The following RNF213 variants were observed in gnomAD, a reference collection of about 807,000 sequenced individuals.
The protein encoded by RNF213 is ring finger protein 213, also known as E3 ubiquitin-protein ligase RNF213.
A neutral mutation model predicts 514.4 loss-of-function variants in RNF213; 341 were observed. The ratio of observed to expected loss-of-function variants is 0.66; its 90% CI spans 0.61 to 0.73. The LOEUF is 0.73. RNF213 is among the 30% of genes least tolerant of loss of function. The pLI is 0.00. For missense variants in RNF213, 5,767 were observed against 6,615.6 expected, an observed-to-expected ratio of 0.87 and a Z score of 4.45; for synonymous variants, 2,655 against 2,658.2, an observed-to-expected ratio of 1.00 and a Z score of 0.04.
Position 80,376,822 on chromosome 17 carries a change from A to C in RNF213, c.13429-60A>C. The C allele has an allele frequency of 3.5e-6, 5 of 1,438,830 alleles. No homozygotes were observed. The South Asian group carries it at 5.9e-5, about 17-fold the overall frequency. The allele number at this position is 1,438,830 out of a possible 1,614,324, so 89.1% of individuals were successfully genotyped here. Reference sequence around the variant, plus strand: ...TCTTCCTCTAGGCCTCCTGCTGAGCAGCAGCACCCAGGTGACAAGCTCACT... The same window carrying C: ...TCTTCCTCTAGGCCTCCTGCTGAGCCGCAGCACCCAGGTGACAAGCTCACT... On this transcript the variant is annotated intron_variant, in intron 52 of 67. Transcript: ENST00000582970.
intron 38 of RNF213, chr17:80,360,492 G>T: frequency 2.2e-6 from 1 of 445,964 alleles, no homozygotes; most frequent in Non-Finnish European, 4.2e-6. Context: ...ATGGCGAAAT[G>T]GGGTGTGTTC....
chr17:80,325,242 G>A, intron 18 of RNF213, 44 bp downstream of exon 18: 1 of 1,487,872 alleles, frequency 6.7e-7, no homozygotes, highest in Non-Finnish European at 9.0e-7. Context: ...AGGCAAGGTG[G>A]TGTCTTCCTG....
At chr17:80,319,537 T>C (rs2046067834) in intron 17 of RNF213, 3 of 1,612,510 alleles carry the variant, frequency 1.9e-6, no homozygotes, top group Non-Finnish European at 2.5e-6. Context: ...CCATCCTGCA[T>C]GTGTTCCATA....
Position 80,386,850 on chromosome 17 carries a change from G to A in RNF213, c.14881G>A (p.Val4961Ile), listed in dbSNP as rs370237798. The A allele has an allele frequency of 1.3e-4, 215 of 1,613,760 alleles. No individual in the cohort carries two copies. Among genetic ancestry groups the A allele is most frequent in the Non-Finnish European group, 1.7e-4 (200 of 1,180,014 alleles). ...TCTGGAGAAGATTCAGCGGCAGATC[G>A]TCAGCCGCTTCCTCCAGGGCAAGCC... ...FDLEKIQRQI[V>I]SRFLQGKPRL... The change falls in exon 63 of 68, where the codon GTC (valine) becomes ATC (isoleucine). Residue 4961 changes from valine to isoleucine, a missense_variant. Physicochemically the swap from Val to Ile is conservative, Grantham distance 29. Around this residue, in one of 13 missense-constraint regions of RNF213, gnomAD observed 1,245 missense variants for 1,339.0 expected, o/e 0.93. Coordinates refer to ENST00000582970, the MANE Select transcript of RNF213 (RefSeq NM_001256071.3).
At chr17:80,344,317 G>A (rs1373375223) in intron 28 of RNF213, among the ~76,000 whole-genome samples, 2 of 152,206 alleles carry the variant, frequency 1.3e-5, no homozygotes, top group East Asian at 3.8e-4. Flanking sequence ...TCTGTTGAAA[G>A]ACCTCACCTT....
At chr17:80,352,008 C>T in intron 32 of RNF213, 1 of 432,184 alleles carries the variant, frequency 2.3e-6, no homozygotes, top group Non-Finnish European at 4.3e-6. Flanking sequence ...GCGTGCGCCA[C>T]CATGCCCAGC....
intron 2 of RNF213, among the ~76,000 whole-genome samples, chr17:80,266,527 A>C (rs1368742008): frequency 3.3e-5 from 5 of 151,902 alleles, no homozygotes; most frequent in Non-Finnish European, 5.9e-5. Context: ...TTTGAGACAG[A>C]GTCTTGCTCT....
Position 80,263,577 on chromosome 17 carries a change from A to G in RNF213, c.-105A>G. 1 of 958,452 alleles carries G rather than the reference A, an allele frequency of 1.0e-6. No homozygotes were observed. The highest frequency in any genetic ancestry group is 1.3e-5 in the South Asian group (1 of 77,222). 59.4% of individuals were successfully genotyped at this position (958,452 alleles called of 1,614,324 possible). ...TGCTGTGATTTCACTTTCGCAGAAA[A>G]TGAAACTGAAGCCGTGGTCACGTGA... On this transcript the variant is annotated 5_prime_UTR_variant, in exon 2 of 68. It removes an upstream start codon present in the reference 5' UTR. Coordinates refer to ENST00000582970, the MANE Select transcript of RNF213 (RefSeq NM_001256071.3). This position sits in a 1 kb window ranked among gnomAD's most constrained non-coding sequence, Gnocchi z 4.9.
Position 80,372,609 on chromosome 17 carries a change from C to T in RNF213, c.12626C>T (p.Ser4209Phe), listed in dbSNP as rs1330283969. 2 of 1,614,046 alleles carry T rather than the reference C, an allele frequency of 1.2e-6. No individual in the cohort carries two copies. Among genetic ancestry groups the T allele is most frequent in the East Asian group, 2.2e-5 (1 of 44,866 alleles). Residue 4209 changes from serine to phenylalanine, a missense_variant, in exon 48 of 68, where the codon TCT becomes TTT. Physicochemically the swap from Ser to Phe is radical, Grantham distance 155 (BLOSUM62 -2). Around this residue, in one of 13 missense-constraint regions of RNF213, gnomAD observed 1,245 missense variants for 1,339.0 expected, o/e 0.93. Transcript: ENST00000582970. ...GAAGGTCGTTTCCTTAAGGCATATT[C>T]TCCAGCAAGCCGGGGCCGAGAGCCT... ...EEEGRFLKAYSPASRGREPAN... is the reference protein window; with the variant it reads ...EEEGRFLKAYFPASRGREPAN...
intron 19 of RNF213, 132 bp from the exon 20 acceptor site, chr17:80,328,196 A>T: frequency 8.4e-7 from 1 of 1,195,230 alleles, no homozygotes; most frequent in Non-Finnish European, 1.1e-6. Context: ...CATCTCGAAA[A>T]AGTGGGTATG....
At chr17:80,362,685 G>A (rs935937943) in intron 39 of RNF213, among the ~76,000 whole-genome samples, 2 of 152,248 alleles carry the variant, frequency 1.3e-5, no homozygotes, top group African/African-American at 4.8e-5. Context: ...TGCTGACTCT[G>A]TCCTGAGGAA....
In RNF213 at chr17:80,294,765, G is replaced by A; in HGVS notation, c.1517G>A (p.Arg506Lys). The change falls in exon 9 of 68, where the codon AGA becomes AAA. Residue 506 changes from arginine (R) to lysine (K), a missense_variant. Arg to Lys is a conservative substitution (Grantham distance 26, BLOSUM62 2). Around this residue, in one of 13 missense-constraint regions of RNF213, gnomAD observed 592 missense variants for 673.9 expected, o/e 0.88. Coordinates refer to ENST00000582970, the MANE Select transcript of RNF213 (RefSeq NM_001256071.3). The part of the protein sequence containing the change: ...YDIVYMKPHG[R>K]LQKVMNHITD... Reference sequence around the variant, plus strand: ...ATAGTTTATATGAAGCCTCATGGGAGACTCCAGAAAGTCATGAACCACATC... The same window carrying A: ...ATAGTTTATATGAAGCCTCATGGGAAACTCCAGAAAGTCATGAACCACATC... The A allele has an allele frequency of 6.2e-7, 1 of 1,614,136 alleles. No individual in the cohort carries two copies. Among genetic ancestry groups the A allele is most frequent in the Non-Finnish European group, 8.5e-7 (1 of 1,180,036 alleles).
chr17:80,375,121 T>A (rs1158784828), intron 50 of RNF213: 3 of 175,064 alleles, frequency 1.7e-5, no homozygotes, highest in Non-Finnish European at 3.7e-5. Context: ...TGGAAAATCC[T>A]CTTTCTGCTC....
Position 80,310,143 on chromosome 17 carries a change from G to A in RNF213, c.2655+972G>A, listed in dbSNP as rs142474750. ...CCCCATGTCTCTGAGCTCTGTCTGT[G>A]TGGTGCAGAGATCGGCAATTCCTTC... On this transcript the variant is annotated intron_variant, in intron 14 of 67. Transcript: ENST00000582970. Among the ~76,000 whole-genome samples, 811 of 152,238 alleles carry A rather than the reference G, an allele frequency of 5.3e-3. 6 individuals are homozygous for A. The highest frequency in any genetic ancestry group is 0.017 in the Middle Eastern group (5 of 294).
chr17:80,380,699 C>A lies in RNF213; in HGVS notation c.13641-132C>A, dbSNP rs540604793. On this transcript the variant is annotated intron_variant, in intron 55 of 67. Transcript: ENST00000582970. Reference sequence around the variant, plus strand: ...GAGACTCTTAGGAACATGGTCCAGGCTTTGTGGAACAGCAAGTACTCTTCA... The same window carrying A: ...GAGACTCTTAGGAACATGGTCCAGGATTTGTGGAACAGCAAGTACTCTTCA... 2.8e-6 allele frequency: 3 copies of A among 1,072,980 alleles called. No homozygotes were observed. The South Asian group carries it at 3.9e-5, about 14-fold the overall frequency. 66.5% of individuals were successfully genotyped at this position (1,072,980 alleles called of 1,614,324 possible). A position where few individuals can be genotyped will look rare whatever the true frequency, so the allele number is the denominator to read the frequency against.
chr17:80,394,641 G>A lies in RNF213; in HGVS notation c.*1143G>A, dbSNP rs2080609550. On this transcript the variant is annotated 3_prime_UTR_variant, in exon 68 of 68. Coordinates refer to ENST00000582970, the MANE Select transcript of RNF213 (RefSeq NM_001256071.3). ...TAATATTCATTCTAAATGAGTTAACGACTTAACTTGAAATTGGGCCTAAGG... is the reference window on the plus strand; with the variant it reads ...TAATATTCATTCTAAATGAGTTAACAACTTAACTTGAAATTGGGCCTAAGG... The A allele has an allele frequency of 6.6e-6, 1 of 152,194 alleles. No homozygotes were observed. The highest frequency in any genetic ancestry group is 2.4e-5 in the African/African-American group (1 of 41,526). 9.4% of individuals were successfully genotyped at this position (152,194 alleles called of 1,614,324 possible).
At chr17:80,337,375 G>T in intron 23 of RNF213, 2 of 587,246 alleles carry the variant, frequency 3.4e-6, no homozygotes, top group Non-Finnish European at 5.9e-6. Context: ...GTGGAACAGC[G>T]AGTACAAAGC....
chr17:80,298,265 A>G, intron 10 of RNF213, 56 bp from the exon 11 acceptor site: 6 of 1,585,522 alleles, frequency 3.8e-6, no homozygotes, highest in Non-Finnish European at 5.2e-6. Context: ...CCAGACTCCC[A>G]GGGAGATGAC....
chr17:80,363,751 G>T lies in RNF213; in HGVS notation c.11711G>T (p.Gly3904Val), dbSNP rs767782203. 2.5e-6 allele frequency: 4 copies of T among 1,613,820 alleles called. No homozygotes were observed. The highest frequency in any genetic ancestry group is 4.5e-5 in the East Asian group (2 of 44,884). Reference protein sequence around the residue: ...ELICSDEHMQGSGSLAQAVIR... With the variant: ...ELICSDEHMQVSGSLAQAVIR... ...ATCTGCTCCGATGAGCACATGCAAG[G>T]CAGCGGGAGCCTGGCCCAGGCTGTC... The change falls in exon 41 of 68, where the codon GGC (glycine) becomes GTC (valine). Residue 3904 changes from glycine (G) to valine (V), a missense_variant. Physicochemically the swap from Gly to Val is moderately radical, Grantham distance 109. This residue lies in a region of RNF213 where 355 missense variants were observed against 358.0 expected (regional missense o/e 0.99). Coordinates refer to ENST00000582970, the MANE Select transcript of RNF213 (RefSeq NM_001256071.3).
Sources: gnomAD v4.1 joint callset for allele counts (sites outside exome capture counted in the v4.1 genomes callset) on GRCh38, gnomAD v4.1.1 for gene constraint, gnomAD v4.1.1 regional missense constraint, Gnocchi (gnomAD v3.1) non-coding constraint, MANE v1.5 for transcripts, NCBI Gene and HGNC (gene_info 2026-07-23, HGNC 2026-07-21) for gene names.